Variants in SVOPL observed in about 807,000 individuals in gnomAD.
SVOPL encodes the protein putative transporter SVOPL.
A neutral mutation model predicts 61.0 loss-of-function variants in SVOPL; 60 were observed. That is an observed-to-expected ratio of 0.98 (90% confidence interval 0.80 to 1.22). The LOEUF is 1.22. SVOPL is among the 50% of genes most tolerant of loss of function. SVOPL has a pLI of 0.00. For synonymous variants in SVOPL, 279 were observed against 250.0 expected, an observed-to-expected ratio of 1.12 and a Z score of -1.09; for missense variants, 662 against 643.9, an observed-to-expected ratio of 1.03 and a Z score of -0.30.
intron 1 of SVOPL, among the ~76,000 whole-genome samples, chr7:138,688,235 A>C (rs1563139203): frequency 6.6e-6 from 1 of 151,928 alleles, no homozygotes; most frequent in Non-Finnish European, 1.5e-5. Context: ...AAACCACAAG[A>C]TATCACTTCC....
intron 9 of SVOPL, among the ~76,000 whole-genome samples, chr7:138,635,979 C>T (rs895480033): frequency 5.3e-5 from 8 of 152,088 alleles, no homozygotes; most frequent in African/African-American, 1.2e-4. Flanking sequence ...GTCACAGTGG[C>T]GCAATCTCAG....
At chr7:138,629,590 T>TA (rs1015890420) in intron 10 of SVOPL, among the ~76,000 whole-genome samples, 1 of 152,152 alleles carries the variant, frequency 6.6e-6, no homozygotes, top group African/African-American at 2.4e-5. Flanking sequence ...TTTAATGTAT[T>TA]AAAACTCATC....
At chr7:138,602,568 C>T (rs2116762265) in intron 14 of SVOPL, among the ~76,000 whole-genome samples, 1 of 152,046 alleles carries the variant, frequency 6.6e-6, no homozygotes, top group Admixed American at 6.6e-5. Context: ...CTCCATCCGA[C>T]ATTTGCTGAT....
At chr7:138,641,833 T>TATATAA (rs1554464901) in intron 9 of SVOPL, among the ~76,000 whole-genome samples, 2,137 of 37,208 alleles carry the variant, frequency 0.057, 86 homozygotes, top group East Asian at 0.42. Flanking sequence ...TATATATATA[T>TATATAA]AACATATATA....
At position 138,649,092 on chromosome 7, in the gene SVOPL, C is replaced by G. The variant is rs1801290872; in HGVS notation, c.580G>C (p.Val194Leu). ...CGCCACCCGATGGTGGGGATGATCACAGAGGCCAAGCCAATGATGAGCAGG... is the reference window on the plus strand; with the variant it reads ...CGCCACCCGATGGTGGGGATGATCAGAGAGGCCAAGCCAATGATGAGCAGG... ...GSLLIIGLAS[V>L]IIPTIGWRWL... is the part of the protein sequence containing the mutation. Residue 194 changes from valine (V) to leucine (L), a missense_variant, in exon 8 of 16, where the codon GTG becomes CTG. Transcript: ENST00000674285. 1 of 1,613,176 alleles carries G rather than the reference C, an allele frequency of 6.2e-7. No homozygotes were observed. The highest frequency in any genetic ancestry group is 1.3e-5 in the African/African-American group (1 of 74,676).
chr7:138,649,244 A>G (rs1318411382), intron 7 of SVOPL, 107 bp from the exon 8 acceptor site: 10 of 1,378,378 alleles, frequency 7.3e-6, no homozygotes, highest in Non-Finnish European at 3.8e-6. Flanking sequence ...CTTCTGTCCC[A>G]TGTGCTTCAC....
At position 138,628,183 on chromosome 7, in the gene SVOPL, G is replaced by A. The variant is rs868185536; in HGVS notation, c.1044C>T (p.Ile348=). The part of the protein sequence containing the change: ...MFAPSDYRTM[I]ISTIGEIALN... ...AAGCAATTTCACCGATGGTGCTGAT[G>A]ATCATGGTCCGATAGTCAGAGGGTG... The change falls in exon 11 of 16, where the codon ATC becomes ATT. Residue 348 remains isoleucine (I), a synonymous_variant. Transcript: ENST00000674285. 1.9e-6 allele frequency: 3 copies of A among 1,614,188 alleles called. No individual in the cohort carries two copies. The highest frequency in any genetic ancestry group is 2.5e-6 in the Non-Finnish European group (3 of 1,180,028).
intron 10 of SVOPL, among the ~76,000 whole-genome samples, chr7:138,629,127 ATGTGTGTG>A (rs71520009): frequency 3.1e-3 from 205 of 66,164 alleles, no homozygotes; most frequent in African/African-American, 9.8e-3. Flanking sequence ...TGTTTTATAT[ATGTGTGTG>A]TGTGTGTGTG....
At chr7:138,600,017 AAAAC>A (rs1409715314) in intron 14 of SVOPL, among the ~76,000 whole-genome samples, 2 of 152,238 alleles carry the variant, frequency 1.3e-5, no homozygotes, top group Non-Finnish European at 2.9e-5. Flanking sequence ...AGCCTGATGG[AAAAC>A]AAACACCTTA....
chr7:138,618,769 AGAAG>A (rs938576785), intron 14 of SVOPL, among the ~76,000 whole-genome samples: 8 of 151,974 alleles, frequency 5.3e-5, no homozygotes, highest in African/African-American at 1.5e-4. Context: ...AAAAAGAAAA[AGAAG>A]GAAGGAAGGA....
At chr7:138,629,953 G>GT in intron 10 of SVOPL, 96 bp downstream of exon 10, 2 of 943,376 alleles carry the variant, frequency 2.1e-6, no homozygotes, top group Non-Finnish European at 3.4e-6. Flanking sequence ...TTAGTCTTAT[G>GT]TTTTTCTCCC....
intron 1 of SVOPL, among the ~76,000 whole-genome samples, chr7:138,681,684 G>A (rs10233435): frequency 0.22 from 33,418 of 151,970 alleles, 3,858 homozygotes; most frequent in Middle Eastern, 0.33. Flanking sequence ...TTAGCCAGGC[G>A]TGGTGGCATG....
rs184119410 is a variant in SVOPL at position 138,619,380 on chromosome 7, G to A, written c.1353+1666C>T. Among the ~76,000 whole-genome samples, 214 of 151,708 alleles carry A rather than the reference G, an allele frequency of 1.4e-3. 2 individuals carry two copies. Among genetic ancestry groups the A allele is most frequent in the African/African-American group, 4.7e-3 (193 of 41,350 alleles). ...GCCATGACTGTACCCCAGCCTGGGC[G>A]ACAGAGCGAGACCCTGTCTCTGGAA... is the stretch of plus-strand genomic sequence containing the variant. On this transcript the variant is annotated intron_variant, in intron 14 of 15. Transcript: ENST00000674285.
At chr7:138,622,016 A>G (rs1047590522) in intron 13 of SVOPL, among the ~76,000 whole-genome samples, 1 of 133,134 alleles carries the variant, frequency 7.5e-6, no homozygotes, top group Middle Eastern at 4.4e-3. Flanking sequence ...GTATCTATCT[A>G]TGTATCTATC....
intron 3 of SVOPL, among the ~76,000 whole-genome samples, chr7:138,676,793 G>A (rs1452240540): frequency 6.6e-6 from 1 of 150,996 alleles, no homozygotes; most frequent in Non-Finnish European, 1.5e-5. Context: ...TAAAAAATGA[G>A]TATTGAATTC....
chr7:138,599,588 A>G (rs1199992519), intron 14 of SVOPL, among the ~76,000 whole-genome samples: 3 of 152,198 alleles, frequency 2.0e-5, no homozygotes, highest in Non-Finnish European at 2.9e-5. Flanking sequence ...GTATAAATAA[A>G]TTATGAAAAA....
chr7:138,675,732 C>T (rs1223626423), intron 3 of SVOPL, among the ~76,000 whole-genome samples: 1 of 152,108 alleles, frequency 6.6e-6, no homozygotes, highest in East Asian at 1.9e-4. Context: ...TTACCTCCCT[C>T]CTATGTATTT....
chr7:138,602,097 T>TA, intron 14 of SVOPL, among the ~76,000 whole-genome samples: 1 of 152,198 alleles, frequency 6.6e-6, no homozygotes, highest in South Asian at 2.1e-4. Context: ...TAGTCCCAAA[T>TA]ATTCGAAGGC....
At position 138,660,234 on chromosome 7, in the gene SVOPL, T is replaced by C. The variant is rs980158045; in HGVS notation, c.346-246A>G. ...AACTACCATGCTGTGCCCACCCTCA[T>C]GGGTGGCAGGTCCCTGAACTTGGAC... On this transcript the variant is annotated intron_variant, in intron 5 of 15. Coordinates refer to ENST00000674285, the MANE Select transcript of SVOPL (RefSeq NM_001139456.2). 6.7e-6 allele frequency: 8 copies of C among 1,198,296 alleles called. No individual in the cohort carries two copies. The South Asian group carries it at 1.4e-4, about 21-fold the overall frequency. The allele number at this position is 1,198,296 out of a possible 1,614,324, so 74.2% of individuals were successfully genotyped here.
Sources: gnomAD v4.1 joint callset for allele counts (sites outside exome capture counted in the v4.1 genomes callset) on GRCh38, gnomAD v4.1.1 for gene constraint, MANE v1.5 for transcripts, NCBI Gene and HGNC (gene_info 2026-07-23, HGNC 2026-07-21) for gene names.